The following THOC2 variants were observed in gnomAD, a reference collection of about 807,000 sequenced individuals.
The protein encoded by THOC2 is THO complex 2.
Under a neutral mutation model 128.4 loss-of-function variants are expected in THOC2, and 10 were observed. The observed-to-expected ratio is 0.08, with a 90% CI of 0.05 to 0.13. The LOEUF (loss-of-function observed/expected upper bound fraction) is 0.13, where lower values mean the gene tolerates loss of function less well. THOC2 is among the 10% of genes least tolerant of loss of function. The pLI, the probability that THOC2 is intolerant of heterozygous loss-of-function variation, is 1.00. For synonymous variants in THOC2, 393 were observed against 396.9 expected, an observed-to-expected ratio of 0.99 and a Z score of 0.12; for missense variants, 535 against 1,155.7, an observed-to-expected ratio of 0.46 and a Z score of 7.79.
At chrX:123,655,534 A>T (rs1251305241) in intron 12 of THOC2, among the ~76,000 whole-genome samples, 1 of 111,923 alleles carries the variant, frequency 8.9e-6, no homozygotes, top group Non-Finnish European at 1.9e-5. Flanking sequence ...ATATATACCT[A>T]CCTGCTAAAT....
At chrX:123,675,563 A>C (rs2049453533) in intron 8 of THOC2, among the ~76,000 whole-genome samples, 1 of 109,845 alleles carries the variant, frequency 9.1e-6, no homozygotes, top group Non-Finnish European at 1.9e-5. Flanking sequence ...GAATCACTTG[A>C]AACCTGGAGA....
At chrX:123,631,553 T>C in intron 22 of THOC2, 135 bp downstream of exon 22, 1 of 660,976 alleles carries the variant, frequency 1.5e-6, no homozygotes, top group Non-Finnish European at 2.3e-6. Flanking sequence ...CGTACCCCTA[T>C]TGGAAACAAA....
intron 38 of THOC2, among the ~76,000 whole-genome samples, chrX:123,606,487 G>A (rs374745497): frequency 9.0e-6 from 1 of 110,641 alleles, no homozygotes; most frequent in South Asian, 3.9e-4. Context: ...CCAGCTACTC[G>A]GGAGACTGAG....
intron 7 of THOC2, among the ~76,000 whole-genome samples, chrX:123,693,131 T>A (rs998187398): frequency 1.8e-5 from 2 of 112,432 alleles, no homozygotes; most frequent in African/African-American, 6.5e-5. Context: ...CTCATTGGAA[T>A]TGAAGTTTCA....
At chrX:123,696,260 A>C in intron 6 of THOC2, 106 bp from the exon 7 acceptor site, 2 of 499,727 alleles carry the variant, frequency 4.0e-6, no homozygotes, top group Admixed American at 4.1e-5. Flanking sequence ...ACCTACAACA[A>C]TCCTAAGAAT....
rs1030967879 is a variant in THOC2 at position 123,610,482 on chromosome X, G to C, written c.*18+436C>G. Among the ~76,000 whole-genome samples, 4 of 111,007 alleles carry C rather than the reference G, an allele frequency of 3.6e-5. 1 individual carries two copies. The highest frequency in any genetic ancestry group is 7.5e-5 in the Non-Finnish European group (4 of 52,996). ...AAGGAACAGAGAACACTAAAGGATA[G>C]AAAGACTGAGGATAGTCAACTGGCT... On this transcript the variant is annotated intron_variant, in intron 38 of 38. Transcript: ENST00000245838.
intron 23 of THOC2, among the ~76,000 whole-genome samples, 187 bp downstream of exon 23, chrX:123,627,506 T>C (rs763581870): frequency 1.7e-4 from 19 of 111,729 alleles, no homozygotes; most frequent in African/African-American, 6.2e-4. Flanking sequence ...TGATTAATCA[T>C]AACCTCCACC....
intron 33 of THOC2, among the ~76,000 whole-genome samples, chrX:123,615,102 A>C (rs2046842042): frequency 9.0e-6 from 1 of 111,647 alleles, no homozygotes; most frequent in South Asian, 3.7e-4. Context: ...TATCTGTGCT[A>C]CAAGCCTATG....
intron 25 of THOC2, among the ~76,000 whole-genome samples, chrX:123,625,252 C>T (rs887003834): frequency 3.6e-5 from 4 of 110,175 alleles, no homozygotes; most frequent in Admixed American, 9.7e-5. Flanking sequence ...CCACCACACC[C>T]GGCTAATTTT....
chrX:123,687,111 G>GT (rs893614759), intron 7 of THOC2, among the ~76,000 whole-genome samples: 29 of 110,281 alleles, frequency 2.6e-4, no homozygotes, highest in African/African-American at 5.9e-4. Flanking sequence ...AACAAAAGGG[G>GT]TTTTTTTTTA....
intron 12 of THOC2, among the ~76,000 whole-genome samples, chrX:123,662,353 G>A (rs1243846128): frequency 9.0e-6 from 1 of 110,506 alleles, no homozygotes; most frequent in Non-Finnish European, 1.9e-5. Flanking sequence ...TTGGGAGACC[G>A]AGGTGGGCAG....
chrX:123,676,090 T>C (rs987369608), intron 8 of THOC2, among the ~76,000 whole-genome samples: 1 of 112,554 alleles, frequency 8.9e-6, no homozygotes, highest in African/African-American at 3.2e-5. Flanking sequence ...TATGACAACT[T>C]TGTAAAAAGC....
chrX:123,620,817 G>T, intron 32 of THOC2, 90 bp downstream of exon 32: 1 of 888,391 alleles, frequency 1.1e-6, no homozygotes, highest in Non-Finnish European at 1.6e-6. Flanking sequence ...TCCAGTGAAT[G>T]CTTGGCATAA....
intron 12 of THOC2, among the ~76,000 whole-genome samples, chrX:123,650,020 T>C (rs182805119): frequency 9.1e-6 from 1 of 110,193 alleles, no homozygotes; most frequent in Admixed American, 9.7e-5. Context: ...TTCACCAAGG[T>C]TGAAACGAAG....
intron 3 of THOC2, among the ~76,000 whole-genome samples, chrX:123,706,153 G>A (rs768009781): frequency 1.8e-5 from 2 of 110,931 alleles, no homozygotes; most frequent in African/African-American, 3.3e-5. Context: ...TAATCTAGTC[G>A]ATATTTTTTA....
chrX:123,690,913 C>T (rs187055676), intron 7 of THOC2, among the ~76,000 whole-genome samples: 3 of 112,001 alleles, frequency 2.7e-5, no homozygotes, highest in African/African-American at 9.7e-5. Context: ...AAAGTATGAT[C>T]TAAAAAACAG....
chrX:123,721,340 TTTTTGTA>T (rs1404152457), intron 1 of THOC2, among the ~76,000 whole-genome samples: 1 of 108,889 alleles, frequency 9.2e-6, no homozygotes, highest in Non-Finnish European at 1.9e-5. Flanking sequence ...GCCTGGCTAA[TTTTTGTA>T]TTTTAAGTAG....
At chrX:123,731,664 A>C (rs1281328732) in intron 1 of THOC2, among the ~76,000 whole-genome samples, 1 of 111,191 alleles carries the variant, frequency 9.0e-6, no homozygotes, top group Non-Finnish European at 1.9e-5. Context: ...ACCCAAGGTC[A>C]CTCAGCTACT....
intron 12 of THOC2, among the ~76,000 whole-genome samples, chrX:123,649,752 G>T (rs994798649): frequency 9.0e-6 from 1 of 110,988 alleles, no homozygotes; most frequent in African/African-American, 3.3e-5. Context: ...GACAAGATTA[G>T]AGAAAAAAGA....
Sources: gnomAD v4.1 joint callset for allele counts (sites outside exome capture counted in the v4.1 genomes callset) on GRCh38, gnomAD v4.1.1 for gene constraint, MANE v1.5 for transcripts, NCBI Gene and HGNC (gene_info 2026-07-23, HGNC 2026-07-21) for gene names.